The following TBC1D32 variants were observed in gnomAD, a reference collection of about 807,000 sequenced individuals.
The protein encoded by TBC1D32 is TBC1 domain family member 32, also known as protein broad-minded.
In TBC1D32, 151 loss-of-function variants were observed where a neutral mutation model predicts 170.3. That is an observed-to-expected ratio of 0.89 (90% CI 0.78 to 1.01). TBC1D32 has a LOEUF of 1.01. Among genes scored for constraint, TBC1D32 ranks in the 50% least tolerant of loss-of-function variants. The pLI, the probability that TBC1D32 is intolerant of heterozygous loss-of-function variation, is 0.00. For synonymous variants in TBC1D32, 498 were observed against 488.0 expected (o/e 1.02, Z -0.27); for missense variants, 1,464 against 1,457.1 (o/e 1.00, Z -0.08).
chr6:121,261,053 A>G (rs1799698603), intron 15 of TBC1D32, among the ~76,000 whole-genome samples: 1 of 151,990 alleles, frequency 6.6e-6, no homozygotes, highest in South Asian at 2.1e-4. Context: ...ACGGATGCTG[A>G]CTCAACCCTC....
At chr6:121,125,566 G>T (rs185257264) in intron 26 of TBC1D32, among the ~76,000 whole-genome samples, 10 of 152,108 alleles carry the variant, frequency 6.6e-5, no homozygotes, top group Admixed American at 4.6e-4. Flanking sequence ...CAACGGGGGG[G>T]TCAGAGCTGA....
At chr6:121,198,463 A>G (rs1249735723) in intron 22 of TBC1D32, among the ~76,000 whole-genome samples, 1 of 150,424 alleles carries the variant, frequency 6.6e-6, no homozygotes, top group African/African-American at 2.5e-5. Flanking sequence ...GTCAGTAAAG[A>G]GTGACCGGCC....
At chr6:121,231,762 G>T (rs1795770242) in intron 20 of TBC1D32, among the ~76,000 whole-genome samples, 1 of 151,878 alleles carries the variant, frequency 6.6e-6, no homozygotes, top group Non-Finnish European at 1.5e-5. Context: ...TTTTGATATG[G>T]TTGCTTGTGT....
At chr6:121,209,891 T>C (rs1792827193) in intron 21 of TBC1D32, among the ~76,000 whole-genome samples, 2 of 152,210 alleles carry the variant, frequency 1.3e-5, no homozygotes, top group Non-Finnish European at 2.9e-5. Context: ...TGAAAGTTAG[T>C]TATATAAATC....
intron 14 of TBC1D32, among the ~76,000 whole-genome samples, chr6:121,280,197 T>C (rs60323619): frequency 0.99 from 150,261 of 151,884 alleles, 74,363 homozygotes; most frequent in East Asian, 1. Context: ...CATTCCTTCT[T>C]TCACGAGACT....
Position 121,079,706 on chromosome 6 carries a change from A to G in TBC1D32, c.*1065T>C, listed in dbSNP as rs544623306. ...TTGTATTAATCTTACCGGTGCAGAG[A>G]CATCTATTTAAATAAGACAAATCAT... is the stretch of plus-strand genomic sequence containing the variant. On this transcript the variant is annotated 3_prime_UTR_variant, in exon 32 of 32. Coordinates refer to ENST00000398212, the MANE Select transcript of TBC1D32 (RefSeq NM_152730.6). 37 of 152,300 alleles carry G rather than the reference A, an allele frequency of 2.4e-4. No homozygotes were observed. The South Asian group carries it at 7.7e-3, about 32-fold the overall frequency. 9.4% of individuals were successfully genotyped at this position (152,300 alleles called of 1,614,324 possible).
chr6:121,313,833 G>A (rs1290014892), intron 3 of TBC1D32, among the ~76,000 whole-genome samples: 1 of 152,120 alleles, frequency 6.6e-6, no homozygotes, highest in South Asian at 2.1e-4. Context: ...CTCAGCAGTA[G>A]TATAAAATCC....
At chr6:121,087,575 C>T (rs1317890137) in intron 31 of TBC1D32, among the ~76,000 whole-genome samples, 2 of 152,164 alleles carry the variant, frequency 1.3e-5, no homozygotes, top group African/African-American at 4.8e-5. Flanking sequence ...TGTGTATCTT[C>T]ACTTCCTCAA....
intron 15 of TBC1D32, among the ~76,000 whole-genome samples, chr6:121,265,452 C>T (rs563855265): frequency 1.3e-5 from 2 of 151,946 alleles, no homozygotes; most frequent in African/African-American, 4.8e-5. Flanking sequence ...TCATGGATAG[C>T]AAGAATCAAC....
intron 30 of TBC1D32, among the ~76,000 whole-genome samples, chr6:121,096,480 A>G (rs1252609373): frequency 6.6e-6 from 1 of 152,136 alleles, no homozygotes; most frequent in Non-Finnish European, 1.5e-5. Flanking sequence ...CTAGGAATAC[A>G]ATTTACAAGG....
At position 121,306,301 on chromosome 6, in the gene TBC1D32, G is replaced by A. The variant is rs1807312343; in HGVS notation, c.691-1468C>T. ...CCAGTATAATCATATCTTTATTAAT[G>A]GTAGACAGTAGACTGATTTTAAATA... On this transcript the variant is annotated intron_variant, in intron 5 of 31. Coordinates refer to ENST00000398212, the MANE Select transcript of TBC1D32 (RefSeq NM_152730.6). Among the ~76,000 whole-genome samples, 5 of 152,058 alleles carry A rather than the reference G, an allele frequency of 3.3e-5. No homozygotes were observed. In the South Asian group the frequency reaches 1.0e-3, roughly 32 times the overall value.
intron 15 of TBC1D32, among the ~76,000 whole-genome samples, chr6:121,270,335 T>A (rs1164790861): frequency 6.6e-6 from 1 of 152,086 alleles, no homozygotes; most frequent in African/African-American, 2.4e-5. Context: ...GAGCTGGTTT[T>A]TTGAAAAGAT....
chr6:121,150,939 CT>C (rs1784139113), intron 24 of TBC1D32, among the ~76,000 whole-genome samples: 1 of 151,820 alleles, frequency 6.6e-6, no homozygotes, highest in Non-Finnish European at 1.5e-5. Context: ...TTTTGTTAAT[CT>C]TTTCAAAAAA....
Position 121,283,824 on chromosome 6 carries a change from G to A in TBC1D32, c.1459C>T (p.His487Tyr), listed in dbSNP as rs377121755. ...PSCPKMTSAA[H>Y]SENYSPASMV... is the part of the protein sequence containing the mutation. Reference sequence around the variant, plus strand: ...AAAATAGAAACAGAATTACCTGAATGGGCAGCTGATGTCATCTTTGGACAA... The same window carrying A: ...AAAATAGAAACAGAATTACCTGAATAGGCAGCTGATGTCATCTTTGGACAA... The change falls in exon 13 of 32, where the codon CAT becomes TAT. Residue 487 changes from histidine (H) to tyrosine (Y), a missense_variant. By Grantham distance (83) the His-to-Tyr change is moderately conservative (BLOSUM62 2). Transcript: ENST00000398212. 2.9e-5 allele frequency: 47 copies of A among 1,600,840 alleles called. No individual in the cohort carries two copies. The highest frequency in any genetic ancestry group is 3.6e-5 in the Non-Finnish European group (42 of 1,170,042).
intron 31 of TBC1D32, among the ~76,000 whole-genome samples, chr6:121,089,123 C>T (rs1776549724): frequency 1.3e-5 from 2 of 152,086 alleles, no homozygotes; most frequent in African/African-American, 4.8e-5. Flanking sequence ...AAAGTTTATT[C>T]ATCTTTCCCA....
At chr6:121,256,472 G>C (rs1583426352) in intron 15 of TBC1D32, among the ~76,000 whole-genome samples, 187 bp from the exon 16 acceptor site, 1 of 151,714 alleles carries the variant, frequency 6.6e-6, no homozygotes, top group South Asian at 2.1e-4. Context: ...GGGATGGAAG[G>C]AAAAAAATAC....
chr6:121,304,737 A>G lies in TBC1D32; in HGVS notation c.769+18T>C. ...TGCAAATGACAAAAAACATTTTTAAATGTTTTCACAAACATACCTAAGCTT... is the reference window on the plus strand; with the variant it reads ...TGCAAATGACAAAAAACATTTTTAAGTGTTTTCACAAACATACCTAAGCTT... On this transcript the variant is annotated intron_variant, in intron 6 of 31. Transcript: ENST00000398212. The G allele has an allele frequency of 1.3e-6, 2 of 1,577,158 alleles. No individual in the cohort carries two copies. Among genetic ancestry groups the G allele is most frequent in the Non-Finnish European group, 1.7e-6 (2 of 1,158,508 alleles).
chr6:121,285,373 T>C (rs1383657839), intron 12 of TBC1D32, among the ~76,000 whole-genome samples: 2 of 152,154 alleles, frequency 1.3e-5, no homozygotes, highest in Non-Finnish European at 2.9e-5. Context: ...TTTAATTATT[T>C]CAGCAGCAAG....
intron 24 of TBC1D32, among the ~76,000 whole-genome samples, chr6:121,147,798 T>C (rs1447171286): frequency 6.6e-6 from 1 of 152,084 alleles, no homozygotes; most frequent in Non-Finnish European, 1.5e-5. Flanking sequence ...TTAACCATGT[T>C]AGTCAGGATG....
Sources: gnomAD v4.1 joint callset for allele counts (sites outside exome capture counted in the v4.1 genomes callset) on GRCh38, gnomAD v4.1.1 for gene constraint, MANE v1.5 for transcripts, NCBI Gene and HGNC (gene_info 2026-07-23, HGNC 2026-07-21) for gene names.